The following PLS3 variants were observed in gnomAD, a reference collection of about 807,000 sequenced individuals.
PLS3 encodes plastin-3.
In PLS3, 11 loss-of-function variants were observed where a neutral mutation model predicts 46.5. The ratio of observed to expected loss-of-function variants is 0.24; its 90% CI spans 0.15 to 0.39. The LOEUF (loss-of-function observed/expected upper bound fraction) is 0.39, where lower values mean the gene tolerates loss of function less well. Among genes scored for constraint, PLS3 ranks in the 10% least tolerant of loss-of-function variants. PLS3 has a pLI of 1.00. For synonymous variants in PLS3, 167 were observed against 162.2 expected (o/e 1.03, Z -0.22); for missense variants, 308 against 461.8 (o/e 0.67, Z 3.05).
chrX:115,601,854 T>C (rs782604711), intron 1 of PLS3, among the ~76,000 whole-genome samples: 1 of 111,286 alleles, frequency 9.0e-6, no homozygotes, highest in Non-Finnish European at 1.9e-5. Context: ...AAGAAAGAGT[T>C]AGAAAAAAAC....
chrX:115,616,965 T>A (rs2074603580), intron 2 of PLS3, among the ~76,000 whole-genome samples: 1 of 111,694 alleles, frequency 9.0e-6, no homozygotes, highest in Non-Finnish European at 1.9e-5. Flanking sequence ...TAGGTAAAAC[T>A]TTTAGAAGAC....
At chrX:115,645,178 C>G in intron 11 of PLS3, 79 bp downstream of exon 11, 1 of 614,971 alleles carries the variant, frequency 1.6e-6, no homozygotes, top group Non-Finnish European at 2.6e-6. Context: ...TAAAGATTTT[C>G]TAGATATTAA....
chrX:115,625,617 T>G (rs944208107), intron 3 of PLS3, among the ~76,000 whole-genome samples: 4 of 110,086 alleles, frequency 3.6e-5, no homozygotes, highest in Non-Finnish European at 7.6e-5. Flanking sequence ...AGAAGTTATG[T>G]TTTTCAAATA....
Position 115,604,700 on chromosome X carries a change from A to T in PLS3, c.-8-5543A>T, listed in dbSNP as rs915997448. ...TCAAATCTTGTGTTTTGCTTTGTGA[A>T]CCCATCCGGGATGTTTTAGTAACTT... On this transcript the variant is annotated intron_variant, in intron 1 of 15. Transcript: ENST00000355899. 8.1e-5 allele frequency among the ~76,000 whole-genome samples: 9 copies of T among 111,670 alleles called. No homozygotes were observed. In the Admixed American group the frequency reaches 8.6e-4, roughly 11 times the overall value.
chrX:115,577,716 G>A (rs1196620800), intron 1 of PLS3, among the ~76,000 whole-genome samples: 5 of 111,044 alleles, frequency 4.5e-5, no homozygotes, highest in African/African-American at 1.6e-4. Flanking sequence ...GACCTAAACT[G>A]ATCCTCCCGC....
intron 3 of PLS3, 58 bp downstream of exon 3, chrX:115,622,467 G>T: frequency 1.3e-6 from 1 of 749,634 alleles, no homozygotes; most frequent in Non-Finnish European, 2.0e-6. Flanking sequence ...CGTCTAGTGG[G>T]ATGTTATAGT....
intron 8 of PLS3, 196 bp from the exon 9 acceptor site, chrX:115,640,212 A>G: frequency 2.6e-6 from 2 of 781,452 alleles, no homozygotes; most frequent in Admixed American, 5.8e-5. Flanking sequence ...GTCAAAATCC[A>G]GTTCATCCAT....
Position 115,602,966 on chromosome X carries a change from A to C in PLS3, c.-8-7277A>C, listed in dbSNP as rs1484972144. Among the ~76,000 whole-genome samples, 3 of 111,578 alleles carry C rather than the reference A, an allele frequency of 2.7e-5. No homozygotes were observed. In the Admixed American group the frequency reaches 2.9e-4, roughly 11 times the overall value. The stretch of plus-strand genomic sequence containing the variant: ...TGGACCTCATGGTACTGAATGACAC[A>C]GATGAATAAGTAGATTATTCAGTCA... On this transcript the variant is annotated intron_variant, in intron 1 of 15. Coordinates refer to ENST00000355899, the MANE Select transcript of PLS3 (RefSeq NM_005032.7).
intron 1 of PLS3, among the ~76,000 whole-genome samples, chrX:115,592,398 C>G (rs5987936): frequency 0.015 from 1,675 of 111,222 alleles, 22 homozygotes; most frequent in African/African-American, 0.048. Flanking sequence ...GATATGAACC[C>G]AGGGCTCAGA....
intron 1 of PLS3, among the ~76,000 whole-genome samples, chrX:115,596,316 A>G (rs1323852934): frequency 9.0e-6 from 1 of 111,710 alleles, no homozygotes; most frequent in Admixed American, 9.6e-5. Context: ...TTCCCTACTC[A>G]CCTCCATCGA....
At chrX:115,620,891 G>A (rs1460885633) in intron 2 of PLS3, among the ~76,000 whole-genome samples, 3 of 107,311 alleles carry the variant, frequency 2.8e-5, no homozygotes, top group African/African-American at 1.0e-4. Flanking sequence ...ACGGGGTTTT[G>A]CCATATGGGC....
intron 1 of PLS3, 31 bp from the exon 2 acceptor site, chrX:115,610,212 A>G: frequency 2.5e-6 from 2 of 788,057 alleles, no homozygotes; most frequent in South Asian, 2.7e-5. Flanking sequence ...ACAATTTTTT[A>G]AAGTCTGAAA....
At chrX:115,566,407 C>T in intron 1 of PLS3, among the ~76,000 whole-genome samples, 1 of 105,309 alleles carries the variant, frequency 9.5e-6, no homozygotes, top group East Asian at 3.0e-4. Context: ...GTTTTAAAGA[C>T]GGAGTCTTGC....
intron 1 of PLS3, among the ~76,000 whole-genome samples, chrX:115,569,019 G>A (rs1490984614): frequency 8.0e-5 from 7 of 87,996 alleles, no homozygotes; most frequent in Non-Finnish European, 1.5e-4. Context: ...CCGGGCAACA[G>A]AGCACGACTC....
At chrX:115,633,240 C>T (rs782504467) in intron 5 of PLS3, among the ~76,000 whole-genome samples, 6 of 109,131 alleles carry the variant, frequency 5.5e-5, no homozygotes, top group African/African-American at 1.7e-4. Context: ...GCATGATCTC[C>T]GCTCACTTCA....
chrX:115,646,872 G>A (rs919174235), intron 13 of PLS3, among the ~76,000 whole-genome samples: 1 of 112,270 alleles, frequency 8.9e-6, no homozygotes, highest in African/African-American at 3.2e-5. Context: ...ATCTCTCTCT[G>A]TAATGCTGAT....
chrX:115,610,487 C>CTT (rs368406135), intron 2 of PLS3, among the ~76,000 whole-genome samples, 164 bp downstream of exon 2: 1 of 94,107 alleles, frequency 1.1e-5, no homozygotes, highest in Non-Finnish European at 2.2e-5. Context: ...TGTTTTATTT[C>CTT]TTTTTTTTTT....
chrX:115,576,821 A>C (rs1311383887), intron 1 of PLS3, among the ~76,000 whole-genome samples: 1 of 112,304 alleles, frequency 8.9e-6, no homozygotes, highest in African/African-American at 3.2e-5. Context: ...TCCCATTTAG[A>C]ACTTCCTGCG....
chrX:115,649,016 C>T (rs1406288688), intron 15 of PLS3, among the ~76,000 whole-genome samples: 1 of 110,227 alleles, frequency 9.1e-6, no homozygotes, highest in Non-Finnish European at 1.9e-5. Flanking sequence ...ATTGCATCTG[C>T]CTAACAACTT....
Sources: gnomAD v4.1 joint callset for allele counts (sites outside exome capture counted in the v4.1 genomes callset) on GRCh38, gnomAD v4.1.1 for gene constraint, MANE v1.5 for transcripts, NCBI Gene and HGNC (gene_info 2026-07-23, HGNC 2026-07-21) for gene names.